The following TOPBP1 variants were observed in gnomAD, a reference collection of about 807,000 sequenced individuals.
The protein encoded by TOPBP1 is DNA topoisomerase 2-binding protein 1.
TOPBP1 carries 28 observed loss-of-function variants against 167.7 expected under a neutral mutation model. The ratio of observed to expected loss-of-function variants is 0.17; its 90% CI spans 0.12 to 0.23. The LOEUF (loss-of-function observed/expected upper bound fraction) is 0.23. TOPBP1 is among the 10% of genes least tolerant of loss of function. TOPBP1 has a pLI of 1.00. For synonymous variants in TOPBP1, 598 were observed against 611.4 expected (o/e 0.98, Z 0.32); for missense variants, 1,554 against 1,809.6 (o/e 0.86, Z 2.56).
At chr3:133,656,302 C>G (rs1421856696) in intron 5 of TOPBP1, among the ~76,000 whole-genome samples, 1 of 151,988 alleles carries the variant, frequency 6.6e-6, no homozygotes, top group Non-Finnish European at 1.5e-5. Context: ...GGAAGGAATG[C>G]AACTGCCAAA....
rs182576066 is a variant in TOPBP1, at chr3:133,621,221, C to A, written c.3179-874G>T. On this transcript the variant is annotated intron_variant, in intron 19 of 27. Transcript: ENST00000260810. Reference sequence around the variant, plus strand: ...AGAGACAAGGTCTCACTATGTTGCCCAGGCTGATCTGGAACCCCTAGCATC... The same window carrying A: ...AGAGACAAGGTCTCACTATGTTGCCAAGGCTGATCTGGAACCCCTAGCATC... 2.0e-5 allele frequency among the ~76,000 whole-genome samples: 3 copies of A among 152,000 alleles called. No individual in the cohort carries two copies. In the East Asian group the frequency reaches 5.8e-4, roughly 30 times the overall value.
chr3:133,647,038 T>C (rs953062502), intron 10 of TOPBP1, among the ~76,000 whole-genome samples: 1 of 152,214 alleles, frequency 6.6e-6, no homozygotes, highest in African/African-American at 2.4e-5. Context: ...GCCAATCCTT[T>C]GGTTTCATAA....
At chr3:133,625,165 C>T (rs1315305630) in intron 16 of TOPBP1, among the ~76,000 whole-genome samples, 1 of 152,156 alleles carries the variant, frequency 6.6e-6, no homozygotes, top group Non-Finnish European at 1.5e-5. Context: ...TGGGTTTTCA[C>T]CATATTGGGC....
intron 16 of TOPBP1, among the ~76,000 whole-genome samples, chr3:133,627,874 T>TAA (rs34576478): frequency 7.6e-5 from 11 of 143,956 alleles, no homozygotes; most frequent in South Asian, 2.2e-4. Context: ...CTCCAAAGTT[T>TAA]AAAAAAAAAA....
At chr3:133,634,144 T>C (rs1935587166) in intron 14 of TOPBP1, among the ~76,000 whole-genome samples, 1 of 152,232 alleles carries the variant, frequency 6.6e-6, no homozygotes, top group Non-Finnish European at 1.5e-5. Flanking sequence ...CCATGTATTG[T>C]GGAAAACTGA....
In TOPBP1 at chr3:133,611,216, G is replaced by A. The variant is rs145888892; in HGVS notation, c.4036-75C>T. The A allele has an allele frequency of 4.3e-5, 60 of 1,387,030 alleles. No homozygotes were observed. In the African/African-American group the frequency reaches 6.3e-4, roughly 15 times the overall value. 85.9% of individuals were successfully genotyped at this position (1,387,030 alleles called of 1,614,324 possible). A position where few individuals can be genotyped will look rare whatever the true frequency, so the allele number is the denominator to read the frequency against. The stretch of plus-strand genomic sequence containing the variant: ...TGTGCAACATACAGGGCTCCTCAAG[G>A]AGCCCAAAGTCTAATAACTGTTAAA... On this transcript the variant is annotated intron_variant, in intron 24 of 27. Coordinates refer to ENST00000260810, the MANE Select transcript of TOPBP1 (RefSeq NM_007027.4).
chr3:133,611,370 T>C (rs1227623778), intron 24 of TOPBP1, among the ~76,000 whole-genome samples: 1 of 152,168 alleles, frequency 6.6e-6, no homozygotes, highest in Non-Finnish European at 1.5e-5. Context: ...ATCAGAAAAA[T>C]ACCACATACA....
At chr3:133,601,453 A>G in intron 27 of TOPBP1, 60 bp from the exon 28 acceptor site, 1 of 1,289,030 alleles carries the variant, frequency 7.8e-7, no homozygotes, top group Non-Finnish European at 1.0e-6. Context: ...GTGATCTGGT[A>G]ATAGATTTTT....
intron 14 of TOPBP1, among the ~76,000 whole-genome samples, chr3:133,633,898 A>G (rs1343919355): frequency 6.6e-6 from 1 of 152,176 alleles, no homozygotes; most frequent in Non-Finnish European, 1.5e-5. Context: ...TCAGAACCCC[A>G]AATTTTTATC....
At chr3:133,620,042 A>C in intron 20 of TOPBP1, 113 bp downstream of exon 20, 1 of 1,202,752 alleles carries the variant, frequency 8.3e-7, no homozygotes, top group African/African-American at 1.5e-5. Flanking sequence ...ATTGGGGAAA[A>C]AAAGAAAAAA....
chr3:133,643,737 G>T (rs1454706088), intron 11 of TOPBP1, among the ~76,000 whole-genome samples: 1 of 151,890 alleles, frequency 6.6e-6, no homozygotes, highest in Non-Finnish European at 1.5e-5. Flanking sequence ...TGATGCTTTG[G>T]TTATGAGAAA....
At chr3:133,650,925 A>G (rs1444067581) in intron 8 of TOPBP1, among the ~76,000 whole-genome samples, 1 of 152,132 alleles carries the variant, frequency 6.6e-6, no homozygotes, top group East Asian at 1.9e-4. Flanking sequence ...CCTGGCCAAT[A>G]TGGTGAAACC....
intron 14 of TOPBP1, among the ~76,000 whole-genome samples, chr3:133,632,000 C>T (rs1189413286): frequency 6.6e-6 from 1 of 152,156 alleles, no homozygotes; most frequent in Non-Finnish European, 1.5e-5. Context: ...CTTCTCCAGC[C>T]ATGAAAGACG....
intron 24 of TOPBP1, among the ~76,000 whole-genome samples, chr3:133,611,764 T>G (rs1285419792): frequency 6.6e-6 from 1 of 152,194 alleles, no homozygotes. Context: ...GAGATTTACT[T>G]TTTTAAGTAA....
At chr3:133,622,393 A>G (rs1339419383) in intron 19 of TOPBP1, among the ~76,000 whole-genome samples, 1 of 151,326 alleles carries the variant, frequency 6.6e-6, no homozygotes, top group Non-Finnish European at 1.5e-5. Flanking sequence ...GAGTTTCTCT[A>G]TGTTGGCCAG....
At position 133,616,918 on chromosome 3, in the gene TOPBP1, G is replaced by A. The variant is rs912679926; in HGVS notation, c.3767C>T (p.Thr1256Met). Residue 1256 changes from threonine to methionine, a missense_variant, in exon 23 of 28, where the codon ACG (threonine) becomes ATG (methionine). Coordinates refer to ENST00000260810, the MANE Select transcript of TOPBP1 (RefSeq NM_007027.4). ...TAATTCTTCATGAGTCTCCTCTATC[G>A]TTATAATCTGGAATGAAAGTTTTAC... ...VAPHPREKII[T>M]IEETHEELKK... 7.3e-6 allele frequency: 11 copies of A among 1,497,800 alleles called. No homozygotes were observed. Among genetic ancestry groups the A allele is most frequent in the African/African-American group, 5.7e-5 (4 of 70,468 alleles). 92.8% of individuals were successfully genotyped at this position (1,497,800 alleles called of 1,614,324 possible).
At chr3:133,616,158 C>T (rs1184762464) in intron 23 of TOPBP1, among the ~76,000 whole-genome samples, 1 of 147,806 alleles carries the variant, frequency 6.8e-6, no homozygotes, top group Admixed American at 6.8e-5. Flanking sequence ...CTTGCTTTGT[C>T]ACCCAGCCTG....
At chr3:133,618,718 T>A (rs909685785) in intron 20 of TOPBP1, among the ~76,000 whole-genome samples, 3 of 152,170 alleles carry the variant, frequency 2.0e-5, no homozygotes, top group African/African-American at 7.2e-5. Flanking sequence ...TGTCAAGAAA[T>A]TTTTTAAAAA....
intron 27 of TOPBP1, among the ~76,000 whole-genome samples, chr3:133,602,964 T>C (rs554111843): frequency 6.6e-6 from 1 of 151,596 alleles, no homozygotes; most frequent in East Asian, 1.9e-4. Context: ...GGCACGATCT[T>C]GGCTCACTGC....
Sources: allele counts gnomAD v4.1 joint callset (sites outside exome capture counted in the v4.1 genomes callset), GRCh38; gene constraint gnomAD v4.1.1; transcripts MANE v1.5; gene names NCBI Gene and HGNC (gene_info 2026-07-23, HGNC 2026-07-21).